CYTH1: variants seen among roughly 807,000 people sequenced by gnomAD.
The protein encoded by CYTH1 is cytohesin-1.
Under a neutral mutation model 61.8 loss-of-function variants are expected in CYTH1, and 18 were observed. The observed-to-expected ratio is 0.29, with a 90% CI of 0.20 to 0.43. The LOEUF (loss-of-function observed/expected upper bound fraction) is 0.43. Among genes scored for constraint, CYTH1 ranks in the 20% least tolerant of loss-of-function variants. The pLI is 1.00. For synonymous variants in CYTH1, 174 were observed against 184.3 expected (o/e 0.94, Z 0.45); for missense variants, 336 against 510.5 (o/e 0.66, Z 3.29).
At position 78,701,742 on chromosome 17, in the gene CYTH1, A is replaced by T. The variant is rs2093011808; in HGVS notation, c.366T>A (p.Phe122Leu). 6.2e-7 allele frequency: 1 copy of T among 1,614,222 alleles called. No homozygotes were observed. The highest frequency in any genetic ancestry group is 8.5e-7 in the Non-Finnish European group (1 of 1,180,022). ...IGDYLGERDE[F>L]NIQVLHAFVE... ...CAAATGCATGAAGAACCTGGATATT[A>T]AACTCATCTCTATCGAGAAAAGACA... is the stretch of plus-strand genomic sequence containing the variant. The change falls in exon 6 of 14, where the codon TTT becomes TTA. Residue 122 changes from phenylalanine to leucine, a missense_variant. This residue lies in a region of CYTH1 where 125 missense variants were observed against 209.9 expected (regional missense o/e 0.60). Coordinates refer to ENST00000446868, the MANE Select transcript of CYTH1 (RefSeq NM_004762.6).
chr17:78,680,416 T>C (rs1428181459), intron 12 of CYTH1, 72 bp from the exon 13 acceptor site: 1 of 1,488,310 alleles, frequency 6.7e-7, no homozygotes, highest in Non-Finnish European at 9.1e-7. Context: ...CTGATTTCTT[T>C]CCCCAAAACC....
intron 1 of CYTH1, among the ~76,000 whole-genome samples, chr17:78,734,243 A>G (rs1190923548): frequency 1.5e-5 from 2 of 133,938 alleles, no homozygotes; most frequent in Non-Finnish European, 3.1e-5. Flanking sequence ...CTCTGTCTCA[A>G]AAAAAAAAAG....
rs181200355 is a variant in CYTH1, at chr17:78,774,938, A to C, written c.22+7264T>G. ...CTCTCTTTTCTTATCAAACCCCCGA[A>C]GTACCCACCAGGGCATTCGGCATGG... On this transcript the variant is annotated intron_variant, in intron 1 of 13. Transcript: ENST00000446868. Among the ~76,000 whole-genome samples the C allele has an allele frequency of 1.1e-4, 17 of 152,356 alleles. No homozygotes were observed. The East Asian group carries it at 3.3e-3, about 29-fold the overall frequency.
chr17:78,711,310 T>TA (rs1390507304), intron 1 of CYTH1, among the ~76,000 whole-genome samples: 48 of 143,744 alleles, frequency 3.3e-4, no homozygotes, highest in African/African-American at 1.2e-3. Context: ...ATAATATATA[T>TA]ATATACACAC....
rs985123394 is a variant in CYTH1 at position 78,701,807 on chromosome 17, A to C, written c.357-56T>G. The C allele has an allele frequency of 5.8e-6, 9 of 1,562,626 alleles. No individual in the cohort carries two copies. In the African/African-American group the frequency reaches 8.1e-5, roughly 14 times the overall value. On this transcript the variant is annotated intron_variant, in intron 5 of 13. Transcript: ENST00000446868. ...AAGCAGGAGTCAGGCACCAACACTG[A>C]GAATCTCCAGCCAGGCCATGTCTCC... is the stretch of plus-strand genomic sequence containing the variant.
chr17:78,761,198 G>C (rs1177911640), intron 1 of CYTH1, among the ~76,000 whole-genome samples: 5 of 152,056 alleles, frequency 3.3e-5, no homozygotes. Context: ...ACACATTCTG[G>C]TACACAACAG....
At chr17:78,750,196 C>T (rs1161283056) in intron 1 of CYTH1, among the ~76,000 whole-genome samples, 1 of 152,082 alleles carries the variant, frequency 6.6e-6, no homozygotes, top group African/African-American at 2.4e-5. Context: ...CTTCAAGATG[C>T]GTTTTGGAAG....
At chr17:78,771,753 A>G (rs2093472323) in intron 1 of CYTH1, among the ~76,000 whole-genome samples, 1 of 151,916 alleles carries the variant, frequency 6.6e-6, no homozygotes, top group South Asian at 2.1e-4. Context: ...AAAAGAAAGA[A>G]AAGAAAAGGT....
chr17:78,723,490 G>T (rs1384760643), intron 1 of CYTH1: 1 of 152,560 alleles, frequency 6.6e-6, no homozygotes, highest in Admixed American at 6.5e-5. Context: ...AACTCGCTGG[G>T]CCCGGTGGGG....
At chr17:78,729,858 T>C (rs144597621) in intron 1 of CYTH1, among the ~76,000 whole-genome samples, 2,662 of 152,270 alleles carry the variant, frequency 0.017, 77 homozygotes, top group African/African-American at 0.06. Flanking sequence ...CACTTGAAAC[T>C]GCTAGCAGGA....
intron 1 of CYTH1, among the ~76,000 whole-genome samples, chr17:78,726,690 C>T (rs562227968): frequency 1.3e-5 from 2 of 152,046 alleles, no homozygotes; most frequent in South Asian, 4.2e-4. Flanking sequence ...TCCAGGCAGA[C>T]TGTGGTGCCT....
chr17:78,765,331 T>C (rs1463371440), intron 1 of CYTH1, among the ~76,000 whole-genome samples: 2 of 152,234 alleles, frequency 1.3e-5, no homozygotes, highest in African/African-American at 4.8e-5. Flanking sequence ...GAATCCCTAT[T>C]TCTTTTGGGA....
At chr17:78,747,145 C>CAAAAAA (rs56201341) in intron 1 of CYTH1, among the ~76,000 whole-genome samples, 5 of 57,834 alleles carry the variant, frequency 8.6e-5, no homozygotes, top group Admixed American at 2.7e-4. Context: ...ATGGCAGCGC[C>CAAAAAA]AAAAAAAAAA....
At chr17:78,702,511 A>C (rs941446940) in intron 4 of CYTH1, 27 bp downstream of exon 4, 25 of 1,611,806 alleles carry the variant, frequency 1.6e-5, no homozygotes, top group Non-Finnish European at 2.1e-5. Flanking sequence ...TCTAATATGG[A>C]CCACTTCCCG....
intron 1 of CYTH1, chr17:78,727,618 G>A (rs565832928): frequency 6.3e-5 from 29 of 462,582 alleles, no homozygotes; most frequent in Middle Eastern, 3.3e-4. Context: ...CTTCCAAGTC[G>A]CGGGAAGGTC....
chr17:78,693,042 T>C (rs1004564619), intron 10 of CYTH1, among the ~76,000 whole-genome samples: 1 of 152,168 alleles, frequency 6.6e-6, no homozygotes, highest in African/African-American at 2.4e-5. Context: ...TTCACCTTCA[T>C]GATTACAGTG....
chr17:78,744,946 G>A (rs1189823195), intron 1 of CYTH1, among the ~76,000 whole-genome samples: 2 of 151,204 alleles, frequency 1.3e-5, no homozygotes, highest in African/African-American at 4.9e-5. Flanking sequence ...ACTCTTGCAA[G>A]AAAAAAAATA....
chr17:78,699,274 G>A (rs148444580), intron 7 of CYTH1, among the ~76,000 whole-genome samples: 2,210 of 151,992 alleles, frequency 0.015, 18 homozygotes, highest in Non-Finnish European at 0.022. Context: ...CGAGGCAGGA[G>A]AATTGCTTGA....
At chr17:78,750,695 A>T (rs531749005) in intron 1 of CYTH1, among the ~76,000 whole-genome samples, 1 of 151,916 alleles carries the variant, frequency 6.6e-6, no homozygotes, top group East Asian at 1.9e-4. Context: ...AATCCCAGCT[A>T]CAGCTACAGG....
Sources: allele counts gnomAD v4.1 joint callset (sites outside exome capture counted in the v4.1 genomes callset), GRCh38; gene constraint gnomAD v4.1.1; regional missense constraint gnomAD v4.1.1; transcripts MANE v1.5; gene names NCBI Gene and HGNC (gene_info 2026-07-23, HGNC 2026-07-21).